The following ABCB5 variants were observed in gnomAD, a reference collection of about 807,000 sequenced individuals.
The protein encoded by ABCB5 is ATP-binding cassette sub-family B member 5.
In ABCB5, 155 loss-of-function variants were observed where a neutral mutation model predicts 144.2. The observed-to-expected ratio is 1.08, with a 90% CI of 0.94 to 1.23. The LOEUF is 1.23. Ranked by LOEUF, ABCB5 falls within the 50% of genes most tolerant of loss-of-function variation. The probability of loss-of-function intolerance (pLI) is 0.00; values close to 1 mark genes in which losing one functional copy is unlikely to be tolerated. For synonymous variants in ABCB5, 610 were observed against 528.6 expected (o/e 1.15, Z -2.11); for missense variants, 1,830 against 1,520.8 (o/e 1.20, Z -3.38).
rs1000450693 is a variant in ABCB5, at chr7:20,697,370, T to A, written c.2011-1037T>A. 1.9e-4 allele frequency among the ~76,000 whole-genome samples: 29 copies of A among 152,306 alleles called. 1 individual carries two copies. The highest frequency in any genetic ancestry group is 7.0e-4 in the African/African-American group (29 of 41,572). ...TCTCTGGTTATTAGGTCCATAAATGTCATTATTTTAAGAGTGAATGCCATG... is the reference window on the plus strand; with the variant it reads ...TCTCTGGTTATTAGGTCCATAAATGACATTATTTTAAGAGTGAATGCCATG... On this transcript the variant is annotated intron_variant, in intron 16 of 27. Transcript: ENST00000404938.
intron 1 of ABCB5, among the ~76,000 whole-genome samples, chr7:20,622,145 A>G (rs1420121673): frequency 6.6e-6 from 1 of 152,144 alleles, no homozygotes; most frequent in Non-Finnish European, 1.5e-5. Flanking sequence ...TTTGGTTTAA[A>G]TGGACAGATC....
intron 14 of ABCB5, among the ~76,000 whole-genome samples, chr7:20,665,439 T>C (rs1785145150): frequency 6.6e-6 from 1 of 152,172 alleles, no homozygotes; most frequent in Admixed American, 6.5e-5. Context: ...AGTCAGGTAG[T>C]TAAGAAACAA....
intron 20 of ABCB5, among the ~76,000 whole-genome samples, chr7:20,722,060 T>C (rs1781884660): frequency 6.6e-6 from 1 of 152,230 alleles, no homozygotes; most frequent in Non-Finnish European, 1.5e-5. Flanking sequence ...TGATTACAAC[T>C]TTATAAATAG....
intron 21 of ABCB5, among the ~76,000 whole-genome samples, chr7:20,726,002 A>G (rs865858926): frequency 6.6e-6 from 1 of 152,176 alleles, no homozygotes; most frequent in Non-Finnish European, 1.5e-5. Flanking sequence ...TCTGTCCCAC[A>G]GTCCATTCTG....
intron 23 of ABCB5, among the ~76,000 whole-genome samples, chr7:20,736,530 T>C (rs1367704174): frequency 2.0e-5 from 3 of 152,184 alleles, no homozygotes; most frequent in Non-Finnish European, 4.4e-5. Flanking sequence ...TTAGTGACTT[T>C]AAAATATTTG....
chr7:20,657,112 T>C (rs570118498), intron 13 of ABCB5, among the ~76,000 whole-genome samples: 134 of 152,040 alleles, frequency 8.8e-4, no homozygotes, highest in Non-Finnish European at 1.5e-3. Flanking sequence ...TTTCACCATG[T>C]TGCCCAGGCT....
intron 14 of ABCB5, among the ~76,000 whole-genome samples, chr7:20,664,641 A>C (rs1160222800): frequency 2.0e-5 from 3 of 152,232 alleles, no homozygotes; most frequent in African/African-American, 4.8e-5. Flanking sequence ...GAATAAAAAT[A>C]GGTAAGCTAT....
intron 23 of ABCB5, 30 bp from the exon 24 acceptor site, chr7:20,738,953 C>T: frequency 1.9e-6 from 3 of 1,548,480 alleles, no homozygotes; most frequent in South Asian, 1.3e-5. Flanking sequence ...ATCGATGGAC[C>T]TAAGATTCAA....
chr7:20,711,211 C>G (rs938751570), intron 20 of ABCB5, among the ~76,000 whole-genome samples: 4 of 149,332 alleles, frequency 2.7e-5, no homozygotes, highest in African/African-American at 7.4e-5. Context: ...ATGTAAAGTC[C>G]TATGTATTTA....
chr7:20,739,570 AT>A (rs758468369), intron 24 of ABCB5, among the ~76,000 whole-genome samples: 7 of 152,244 alleles, frequency 4.6e-5, no homozygotes, highest in Non-Finnish European at 7.4e-5. Flanking sequence ...ACTAAAATTT[AT>A]ATTTCATATT....
At chr7:20,671,879 T>C (rs1478631308) in intron 14 of ABCB5, among the ~76,000 whole-genome samples, 3 of 152,232 alleles carry the variant, frequency 2.0e-5, no homozygotes, top group Non-Finnish European at 2.9e-5. Context: ...AGGTATACTT[T>C]TTACTTTATA....
intron 19 of ABCB5, 100 bp downstream of exon 19, chr7:20,700,235 T>G: frequency 9.6e-7 from 1 of 1,043,918 alleles, no homozygotes; most frequent in South Asian, 1.8e-5. Context: ...ATAATCTTTC[T>G]TTGAAAGCAC....
intron 20 of ABCB5, among the ~76,000 whole-genome samples, chr7:20,721,213 G>A (rs1457618613): frequency 6.6e-6 from 1 of 152,144 alleles, no homozygotes; most frequent in African/African-American, 2.4e-5. Flanking sequence ...GGATGATAGA[G>A]TATCAGGTCA....
chr7:20,619,343 G>C (rs111262461), intron 1 of ABCB5, among the ~76,000 whole-genome samples: 1 of 152,076 alleles, frequency 6.6e-6, no homozygotes, highest in Admixed American at 6.6e-5. Flanking sequence ...AGCCTTGCCA[G>C]TATCTGTTAT....
intron 1 of ABCB5, among the ~76,000 whole-genome samples, chr7:20,620,453 GAAGA>G (rs1273904983): frequency 6.6e-6 from 1 of 151,896 alleles, no homozygotes; most frequent in Non-Finnish European, 1.5e-5. Flanking sequence ...TACCCAGAGA[GAAGA>G]AAGACAATCC....
intron 20 of ABCB5, among the ~76,000 whole-genome samples, chr7:20,707,743 C>T (rs1311707935): frequency 2.0e-5 from 3 of 151,478 alleles, no homozygotes; most frequent in Non-Finnish European, 4.4e-5. Context: ...TCCAAAAACC[C>T]AGTGAGTTTA....
chr7:20,742,897 A>G lies in ABCB5; in HGVS notation c.3045A>G (p.Leu1015=). The change falls in exon 25 of 28, where the codon TTA becomes TTG. Residue 1015 remains leucine, a synonymous_variant. Coordinates refer to ENST00000404938, the MANE Select transcript of ABCB5 (RefSeq NM_001163941.2). Reference sequence around the variant, plus strand: ...CACAGGACACATGTGAAGGGAATTTAGAGTTTCGAGAAGTCTCTTTCTTCT... The same window carrying G: ...CACAGGACACATGTGAAGGGAATTTGGAGTTTCGAGAAGTCTCTTTCTTCT... The part of the protein sequence containing the change: ...GKKPDTCEGN[L]EFREVSFFYP... 6.2e-7 allele frequency: 1 copy of G among 1,614,210 alleles called. No homozygotes were observed. Among genetic ancestry groups the G allele is most frequent in the Non-Finnish European group, 8.5e-7 (1 of 1,180,032 alleles).
Position 20,665,637 on chromosome 7 carries a change from T to C in ABCB5, c.1707+6961T>C, listed in dbSNP as rs369737061. On this transcript the variant is annotated intron_variant, in intron 14 of 27. Transcript: ENST00000404938. ...GACTGAGAGAGGTGGGGAAGTGAGG[T>C]GGACAAGCAGGTAGGGCCGTACCCC... Among the ~76,000 whole-genome samples, 13 of 151,568 alleles carry C rather than the reference T, an allele frequency of 8.6e-5. No homozygotes were observed. The East Asian group carries it at 2.5e-3, about 29-fold the overall frequency.
chr7:20,657,318 T>TAA (rs34999687), intron 13 of ABCB5, among the ~76,000 whole-genome samples: 6 of 151,902 alleles, frequency 3.9e-5, no homozygotes, highest in African/African-American at 2.4e-5. Flanking sequence ...ATACTTATAC[T>TAA]AAAAAAAACT....
Sources: gnomAD v4.1 joint callset for allele counts (sites outside exome capture counted in the v4.1 genomes callset) on GRCh38, gnomAD v4.1.1 for gene constraint, MANE v1.5 for transcripts, NCBI Gene and HGNC (gene_info 2026-07-23, HGNC 2026-07-21) for gene names.